The following DENND2B variants were observed in gnomAD, a reference collection of about 807,000 sequenced individuals.
DENND2B encodes the protein DENN domain-containing protein 2B.
A neutral mutation model predicts 116.0 loss-of-function variants in DENND2B; 32 were observed. The ratio of observed to expected loss-of-function variants is 0.28; its 90% confidence interval spans 0.21 to 0.37. The LOEUF is 0.37. Ranked by LOEUF, DENND2B falls within the 10% of genes least tolerant of loss-of-function variation. The pLI, the probability that DENND2B is intolerant of heterozygous loss-of-function variation, is 1.00. For missense variants in DENND2B, 1,276 were observed against 1,477.7 expected (o/e 0.86, Z 2.24); for synonymous variants, 588 against 583.9 (o/e 1.01, Z -0.10).
chr11:8,714,478 C>T (rs972873511), intron 7 of DENND2B, 132 bp downstream of exon 7: 17 of 737,096 alleles, frequency 2.3e-5, no homozygotes, highest in Non-Finnish European at 3.6e-5. Flanking sequence ...ACCTTTCTTC[C>T]CTGTCTGCTC....
At chr11:8,743,931 T>TG (rs1314302976) in intron 2 of DENND2B, among the ~76,000 whole-genome samples, 1 of 151,044 alleles carries the variant, frequency 6.6e-6, no homozygotes, top group African/African-American at 2.4e-5. Flanking sequence ...TTTGTAGAGA[T>TG]GGGGGCGGGG....
intron 2 of DENND2B, among the ~76,000 whole-genome samples, chr11:8,741,743 C>T (rs1215705477): frequency 6.6e-6 from 1 of 152,156 alleles, no homozygotes; most frequent in African/African-American, 2.4e-5. Context: ...CAAGCCCAGG[C>T]CACGTGGAAA....
At chr11:8,892,889 C>T (rs1443163087) in intron 1 of DENND2B, among the ~76,000 whole-genome samples, 2 of 152,088 alleles carry the variant, frequency 1.3e-5, no homozygotes, top group South Asian at 2.1e-4. Context: ...CCTCCCTAAC[C>T]CATTTTATGA....
At chr11:8,840,036 T>C (rs1007017963) in intron 3 of DENND2B, among the ~76,000 whole-genome samples, 1 of 151,504 alleles carries the variant, frequency 6.6e-6, no homozygotes, top group South Asian at 2.1e-4. Context: ...GGTGGAAAAA[T>C]TGAGAGCACA....
chr11:8,710,893 C>A lies in DENND2B; in HGVS notation c.2304G>T (p.Leu768=). Residue 768 remains leucine (L), a synonymous_variant, in exon 11 of 20, where the codon CTG becomes CTT. Transcript: ENST00000313726. ...EYSSETFSFM[L]TGEDGSRRFG... is the part of the protein sequence containing the mutation. Reference sequence around the variant, plus strand: ...AGCGTCTGCTGCCATCTTCCCCAGTCAGCATGAAAGAAAAGGTCTCACTGG... The same window carrying A: ...AGCGTCTGCTGCCATCTTCCCCAGTAAGCATGAAAGAAAAGGTCTCACTGG... 5.6e-6 allele frequency: 9 copies of A among 1,614,074 alleles called. No homozygotes were observed. Among genetic ancestry groups the A allele is most frequent in the Non-Finnish European group, 7.6e-6 (9 of 1,180,026 alleles).
intron 1 of DENND2B, among the ~76,000 whole-genome samples, chr11:8,771,113 C>A (rs2056770198): frequency 6.6e-6 from 1 of 152,144 alleles, no homozygotes; most frequent in Non-Finnish European, 1.5e-5. Flanking sequence ...GAGGCTTTTC[C>A]TCGAAAACAT....
At chr11:8,787,141 TATGCC>T (rs1049075322) in intron 1 of DENND2B, 2 of 152,192 alleles carry the variant, frequency 1.3e-5, no homozygotes, top group African/African-American at 4.8e-5. Flanking sequence ...TTCCTTCCAC[TATGCC>T]ATGGAAAGTA....
intron 3 of DENND2B, among the ~76,000 whole-genome samples, chr11:8,856,207 G>C (rs1440179384): frequency 6.6e-6 from 1 of 152,202 alleles, no homozygotes; most frequent in Non-Finnish European, 1.5e-5. Context: ...CTAGTACCCA[G>C]CACAGTATCT....
intron 2 of DENND2B, among the ~76,000 whole-genome samples, chr11:8,740,424 T>C (rs1325958818): frequency 1.2e-4 from 18 of 152,154 alleles, no homozygotes; most frequent in Admixed American, 1.2e-3. Flanking sequence ...TCATATATTG[T>C]CAGGTGCCCC....
chr11:8,742,803 G>A (rs1338338835), intron 2 of DENND2B, among the ~76,000 whole-genome samples: 2 of 152,290 alleles, frequency 1.3e-5, no homozygotes, highest in East Asian at 1.9e-4. Flanking sequence ...GGTGGCTCAC[G>A]CCTGTAATCC....
At chr11:8,743,480 G>A (rs1034840463) in intron 2 of DENND2B, among the ~76,000 whole-genome samples, 1 of 151,790 alleles carries the variant, frequency 6.6e-6, no homozygotes, top group African/African-American at 2.4e-5. Flanking sequence ...AACCTGGTTG[G>A]CAGAGGCTGC....
intron 1 of DENND2B, among the ~76,000 whole-genome samples, chr11:8,806,498 A>T (rs1484270622): frequency 6.6e-6 from 1 of 151,982 alleles, no homozygotes; most frequent in African/African-American, 2.4e-5. Context: ...CCTCCCCAAC[A>T]ACAGTACATT....
intron 1 of DENND2B, among the ~76,000 whole-genome samples, chr11:8,760,982 C>A (rs1289051279): frequency 2.6e-5 from 4 of 152,126 alleles, no homozygotes; most frequent in Non-Finnish European, 5.9e-5. Context: ...CATCTCTTCA[C>A]TGTCCACTTA....
At chr11:8,868,882 C>T (rs1053701096) in intron 2 of DENND2B, among the ~76,000 whole-genome samples, 6 of 152,232 alleles carry the variant, frequency 3.9e-5, no homozygotes, top group African/African-American at 1.4e-4. Flanking sequence ...TTCTTAGATT[C>T]TAAGCCAAGT....
chr11:8,697,546 A>T lies in DENND2B; in HGVS notation c.3031T>A (p.Ser1011Thr). The T allele has an allele frequency of 6.2e-7, 1 of 1,614,136 alleles. No individual in the cohort carries two copies. Among genetic ancestry groups the T allele is most frequent in the Non-Finnish European group, 8.5e-7 (1 of 1,179,926 alleles). ...TCACCATCGTCGGAGTCGCTGTCAGAGTCCTGGGAGATCAGCTCATTCTTC... is the reference window on the plus strand; with the variant it reads ...TCACCATCGTCGGAGTCGCTGTCAGTGTCCTGGGAGATCAGCTCATTCTTC... ...ERKNELISQD[S>T]DSDSDDECNT... The change falls in exon 17 of 20, where the codon TCT becomes ACT. Residue 1011 changes from serine to threonine, a missense_variant. Around this residue, in one of 2 missense-constraint regions of DENND2B, gnomAD observed 420 missense variants for 631.1 expected, o/e 0.67. Coordinates refer to ENST00000313726, the MANE Select transcript of DENND2B (RefSeq NM_213618.2).
chr11:8,888,892 G>C (rs561356661), intron 1 of DENND2B, among the ~76,000 whole-genome samples: 123 of 152,188 alleles, frequency 8.1e-4, no homozygotes, highest in African/African-American at 2.6e-3. Context: ...TATTAGGATG[G>C]CTACCATTAA....
At chr11:8,811,038 A>C (rs567256323), upstream of DENND2B, 43 of 361,692 alleles carry the variant, frequency 1.2e-4, 1 homozygote, top group South Asian at 5.5e-3. Flanking sequence ...CTCATTTTTT[A>C]TAACTTGGAA....
intron 3 of DENND2B, among the ~76,000 whole-genome samples, chr11:8,842,679 C>T (rs531182822): frequency 6.6e-6 from 1 of 152,114 alleles, no homozygotes; most frequent in Non-Finnish European, 1.5e-5. Context: ...TTTGGGACTG[C>T]TCACAGTCTT....
intron 1 of DENND2B, among the ~76,000 whole-genome samples, chr11:8,763,467 C>T (rs1409575336): frequency 6.6e-6 from 1 of 151,684 alleles, no homozygotes; most frequent in Non-Finnish European, 1.5e-5. Flanking sequence ...TTCATAATGG[C>T]TATAAACTAA....
Sources: allele counts gnomAD v4.1 joint callset (sites outside exome capture counted in the v4.1 genomes callset), GRCh38; gene constraint gnomAD v4.1.1; regional missense constraint gnomAD v4.1.1; transcripts MANE v1.5; gene names NCBI Gene and HGNC (gene_info 2026-07-23, HGNC 2026-07-21).